The following SLC4A8 variants were observed in gnomAD, a reference collection of about 807,000 sequenced individuals.
SLC4A8 encodes solute carrier family 4 member 8.
A neutral mutation model predicts 125.0 loss-of-function variants in SLC4A8; 40 were observed. The observed-to-expected ratio is 0.32, with a 90% CI of 0.25 to 0.42. The LOEUF (loss-of-function observed/expected upper bound fraction) is 0.42. SLC4A8 is among the 10% of genes least tolerant of loss of function. SLC4A8 has a pLI of 1.00. For missense variants in SLC4A8, 863 were observed against 1,355.1 expected (o/e 0.64, Z 5.70); for synonymous variants, 456 against 476.0 (o/e 0.96, Z 0.55).
chr12:51,433,610 C>A (rs766743106), intron 1 of SLC4A8, among the ~76,000 whole-genome samples: 2 of 152,082 alleles, frequency 1.3e-5, no homozygotes, highest in Non-Finnish European at 2.9e-5. Flanking sequence ...ATTGAGAGAT[C>A]TTTTTTGCCA....
At chr12:51,422,690 C>G (rs1183248306), upstream of SLC4A8, among the ~76,000 whole-genome samples, 2 of 152,206 alleles carry the variant, frequency 1.3e-5, no homozygotes, top group Non-Finnish European at 2.9e-5. Flanking sequence ...ACTATTACCT[C>G]CCACTGCTCT....
At chr12:51,398,341 A>G (rs1382410661) in intron 1 of SLC4A8, among the ~76,000 whole-genome samples, 3 of 152,200 alleles carry the variant, frequency 2.0e-5, no homozygotes, top group Non-Finnish European at 4.4e-5. Flanking sequence ...CTAATATCAT[A>G]CAATTAATAA....
chr12:51,480,329 T>C, intron 16 of SLC4A8: 2 of 1,185,014 alleles, frequency 1.7e-6, no homozygotes, highest in Non-Finnish European at 2.1e-6. Context: ...TGTCTTATTA[T>C]ATACAAGGCA....
At position 51,474,908 on chromosome 12, in the gene SLC4A8, AT is replaced by A. The variant is rs1407785626; in HGVS notation, c.2011-136del. 1.9e-5 allele frequency: 15 copies of A among 769,260 alleles called. No individual in the cohort carries two copies. The African/African-American group carries it at 2.3e-4, about 12-fold the overall frequency. 47.7% of individuals were successfully genotyped at this position (769,260 alleles called of 1,614,324 possible). ...GTGCAAGACAGCACCCCGCAACTGC[AT>A]AAAGGTCAAGGGGATGCTGCTTGCA... is the stretch of plus-strand genomic sequence containing the variant. On this transcript the variant is annotated intron_variant, in intron 15 of 24. Transcript: ENST00000453097.
upstream of SLC4A8, chr12:51,424,796 C>G (rs1249158307): frequency 2.1e-5 from 12 of 583,054 alleles, no homozygotes; most frequent in Non-Finnish European, 3.6e-5. Flanking sequence ...ATTGGCTGCG[C>G]AGGCCTCTCG....
rs1938252164 is a variant in SLC4A8 at position 51,508,359 on chromosome 12, T to A, written c.*921T>A. 1 of 152,672 alleles carries A rather than the reference T, an allele frequency of 6.5e-6. No individual in the cohort carries two copies. Among genetic ancestry groups the A allele is most frequent in the Non-Finnish European group, 1.5e-5 (1 of 68,050 alleles). 9.5% of individuals were successfully genotyped at this position (152,672 alleles called of 1,614,324 possible). On this transcript the variant is annotated 3_prime_UTR_variant, in exon 25 of 25. Transcript: ENST00000453097. Reference sequence around the variant, plus strand: ...ATATCTGGGAAAGATTTGATAATAGTTGTTTGTGAATAGAAAGGAGGATAT... The same window carrying A: ...ATATCTGGGAAAGATTTGATAATAGATGTTTGTGAATAGAAAGGAGGATAT...
rs2138482794 is a variant in SLC4A8 at position 51,513,382 on chromosome 12, C to G, written c.*5944C>G. On this transcript the variant is annotated 3_prime_UTR_variant, in exon 25 of 25. Transcript: ENST00000453097. ...GGATTTGGGGTAGTGGGGTAGTAAACCATATATTTCCAAAAGATGGTGTGA... is the reference window on the plus strand; with the variant it reads ...GGATTTGGGGTAGTGGGGTAGTAAAGCATATATTTCCAAAAGATGGTGTGA... 1 of 152,296 alleles carries G rather than the reference C, an allele frequency of 6.6e-6. No individual in the cohort carries two copies. Among genetic ancestry groups the G allele is most frequent in the African/African-American group, 2.4e-5 (1 of 41,564 alleles). 9.4% of individuals were successfully genotyped at this position (152,296 alleles called of 1,614,324 possible).
intron 22 of SLC4A8, chr12:51,497,578 TGTC>T (rs1951497675): frequency 6.5e-6 from 1 of 154,692 alleles, no homozygotes; most frequent in African/African-American, 2.4e-5. Flanking sequence ...CTTGGCATCT[TGTC>T]ATCTACACAA....
intron 2 of SLC4A8, among the ~76,000 whole-genome samples, chr12:51,443,977 A>G (rs193067010): frequency 2.8e-4 from 43 of 152,320 alleles, no homozygotes; most frequent in Middle Eastern, 3.4e-3. Flanking sequence ...TATTTTTTAA[A>G]CTATAGACTA....
In SLC4A8 at chr12:51,494,965, C is replaced by T; in HGVS notation, c.2790C>T (p.Leu930=). The T allele has an allele frequency of 1.2e-6, 2 of 1,614,116 alleles. No homozygotes were observed. Among genetic ancestry groups the T allele is most frequent in the Non-Finnish European group, 1.7e-6 (2 of 1,179,990 alleles). ...TTCAGTTCTTTGATCGTCTAAAGCTCTTTGGGATGCCCGCAAAGCACCAGC... is the reference window on the plus strand; with the variant it reads ...TTCAGTTCTTTGATCGTCTAAAGCTTTTTGGGATGCCCGCAAAGCACCAGC... ...QGIQFFDRLK[L]FGMPAKHQPD... Residue 930 remains leucine (L), a synonymous_variant, in exon 21 of 25, where the codon CTC becomes CTT. Transcript: ENST00000453097.
chr12:51,438,912 T>C (rs2138114862), intron 1 of SLC4A8, among the ~76,000 whole-genome samples: 1 of 136,610 alleles, frequency 7.3e-6, no homozygotes, highest in African/African-American at 3.5e-5. Context: ...ATTTGTTGAC[T>C]ATTTGTTTGT....
intron 22 of SLC4A8, chr12:51,497,424 T>C: frequency 3.9e-6 from 1 of 254,096 alleles, no homozygotes; most frequent in Non-Finnish European, 7.5e-6. Flanking sequence ...TCACATTCTT[T>C]CAAAAGGTCT....
chr12:51,418,540 G>A (rs1447800205), intron 1 of SLC4A8, among the ~76,000 whole-genome samples: 2 of 152,098 alleles, frequency 1.3e-5, no homozygotes, highest in East Asian at 3.8e-4. Flanking sequence ...CCATCTCATA[G>A]CTCTGGTTTT....
At chr12:51,419,816 G>C (rs1948748974) in intron 1 of SLC4A8, among the ~76,000 whole-genome samples, 1 of 152,218 alleles carries the variant, frequency 6.6e-6, no homozygotes, top group African/African-American at 2.4e-5. Context: ...TTGGAGCAAA[G>C]TGTAACTGAG....
intron 1 of SLC4A8, among the ~76,000 whole-genome samples, chr12:51,404,217 A>C (rs116086611): frequency 1.3e-5 from 2 of 152,282 alleles, no homozygotes; most frequent in South Asian, 4.1e-4. Context: ...TGAGCATAAA[A>C]TTGTCAGTCT....
intron 1 of SLC4A8, among the ~76,000 whole-genome samples, chr12:51,403,951 C>T (rs1565751278): frequency 6.6e-6 from 1 of 152,258 alleles, no homozygotes. Flanking sequence ...ACAAAAGTTG[C>T]ACAACCACAG....
chr12:51,503,874 T>C (rs1938047100), intron 22 of SLC4A8, among the ~76,000 whole-genome samples, 155 bp from the exon 23 acceptor site: 1 of 152,242 alleles, frequency 6.6e-6, no homozygotes, highest in Non-Finnish European at 1.5e-5. Flanking sequence ...TGGTTGTCTC[T>C]CATTTTGTGG....
rs909154964 is a variant in SLC4A8, at chr12:51,511,418, C to G, written c.*3980C>G. 1 of 152,170 alleles carries G rather than the reference C, an allele frequency of 6.6e-6. No individual in the cohort carries two copies. Among genetic ancestry groups the G allele is most frequent in the Non-Finnish European group, 1.5e-5 (1 of 68,048 alleles). 9.4% of individuals were successfully genotyped at this position (152,170 alleles called of 1,614,324 possible). A position where few individuals can be genotyped will look rare whatever the true frequency, so the allele number is the denominator to read the frequency against. The stretch of plus-strand genomic sequence containing the variant: ...ATATATATTTTTTTTGAGACAAAGT[C>G]TCACTCTGTCGCCCAGGCTGGAGTG... On this transcript the variant is annotated 3_prime_UTR_variant, in exon 25 of 25. Transcript: ENST00000453097.
intron 22 of SLC4A8, among the ~76,000 whole-genome samples, chr12:51,502,739 C>T (rs981107897): frequency 6.0e-5 from 9 of 151,094 alleles, no homozygotes; most frequent in Admixed American, 6.6e-5. Flanking sequence ...GGTGTGATCT[C>T]GGCCGACTGC....
Sources: gnomAD v4.1 joint callset for allele counts (sites outside exome capture counted in the v4.1 genomes callset) on GRCh38, gnomAD v4.1.1 for gene constraint, MANE v1.5 for transcripts, NCBI Gene and HGNC (gene_info 2026-07-23, HGNC 2026-07-21) for gene names.